CDH2: variants seen among roughly 807,000 people sequenced by gnomAD.
CDH2 encodes the protein cadherin-2.
In CDH2, 17 loss-of-function variants were observed where a neutral mutation model predicts 92.0. That is an observed-to-expected ratio of 0.18 (90% CI 0.13 to 0.28). The LOEUF (loss-of-function observed/expected upper bound fraction) is 0.28, where lower values mean the gene tolerates loss of function less well. Among genes scored for constraint, CDH2 ranks in the 10% least tolerant of loss-of-function variants. CDH2 has a pLI of 1.00. For missense variants in CDH2, 862 were observed against 1,133.1 expected (o/e 0.76, Z 3.44); for synonymous variants, 419 against 415.9 (o/e 1.01, Z -0.09).
At chr18:28,110,362 G>A (rs188528759) in intron 2 of CDH2, among the ~76,000 whole-genome samples, 56 of 152,278 alleles carry the variant, frequency 3.7e-4, no homozygotes, top group African/African-American at 1.3e-3. Context: ...CTGAGTTAAG[G>A]CCAGGAGTAA....
At chr18:28,114,376 T>TA (rs1348521848) in intron 2 of CDH2, among the ~76,000 whole-genome samples, 2 of 152,160 alleles carry the variant, frequency 1.3e-5, no homozygotes, top group Non-Finnish European at 2.9e-5. Context: ...AACTGGATCT[T>TA]AGAGTACTTC....
At chr18:28,022,332 C>A (rs1011231647) in intron 2 of CDH2, among the ~76,000 whole-genome samples, 1 of 151,888 alleles carries the variant, frequency 6.6e-6, no homozygotes, top group South Asian at 2.1e-4. Flanking sequence ...TTCTTTATAG[C>A]ATATAATTAT....
At chr18:28,046,122 C>T (rs919718666) in intron 2 of CDH2, among the ~76,000 whole-genome samples, 12 of 152,108 alleles carry the variant, frequency 7.9e-5, no homozygotes, top group Admixed American at 1.3e-4. Context: ...TATAAGATGG[C>T]GTTTGACCCT....
intron 14 of CDH2, among the ~76,000 whole-genome samples, chr18:27,977,685 A>G (rs1055069460): frequency 1.3e-5 from 2 of 152,112 alleles, no homozygotes; most frequent in Admixed American, 1.3e-4. Context: ...ACTTAAACTG[A>G]TCTCTGAGAT....
chr18:28,130,903 A>G (rs2144292978), intron 2 of CDH2, among the ~76,000 whole-genome samples: 1 of 152,304 alleles, frequency 6.6e-6, no homozygotes, highest in East Asian at 1.9e-4. Context: ...GTACCCTTGA[A>G]AAAGCAAAAG....
At chr18:27,984,729 C>T (rs996418275) in intron 13 of CDH2, among the ~76,000 whole-genome samples, 2 of 152,204 alleles carry the variant, frequency 1.3e-5, no homozygotes, top group African/African-American at 2.4e-5. Context: ...GCGTTTACTA[C>T]AGCTCCCTAA....
intron 7 of CDH2, among the ~76,000 whole-genome samples, chr18:28,001,940 C>T (rs913102491): frequency 6.6e-6 from 1 of 152,208 alleles, no homozygotes; most frequent in East Asian, 1.9e-4. Flanking sequence ...ATAATGTCTC[C>T]TTTTGACATA....
At chr18:28,051,767 C>T (rs2014196189) in intron 2 of CDH2, among the ~76,000 whole-genome samples, 2 of 152,158 alleles carry the variant, frequency 1.3e-5, no homozygotes, top group African/African-American at 4.8e-5. Context: ...AATCAAACTC[C>T]TGAATGTGCT....
At chr18:28,149,883 A>G (rs1480390708) in intron 1 of CDH2, among the ~76,000 whole-genome samples, 2 of 152,256 alleles carry the variant, frequency 1.3e-5, no homozygotes, top group African/African-American at 4.8e-5. Context: ...TACATATTTC[A>G]TAATGAAAAA....
Position 28,013,792 on chromosome 18 carries a change from G to C in CDH2, c.290C>G (p.Ser97Cys). The C allele has an allele frequency of 1.9e-6, 3 of 1,614,038 alleles. No homozygotes were observed. Among genetic ancestry groups the C allele is most frequent in the Non-Finnish European group, 2.5e-6 (3 of 1,179,938 alleles). The change falls in exon 3 of 16, where the codon TCT (serine) becomes TGT (cysteine). Residue 97 changes from serine (S) to cysteine (C), a missense_variant. Ser to Cys is a moderately radical substitution (Grantham distance 112, BLOSUM62 -1). Transcript: ENST00000269141. ...VYAVRSFPLS[S>C]EHAKFLIYAQ... ...ATATATCAGGAACTTGGCATGCTCA[G>C]AAGAGAGTGGAAAGCTTCTCACGGC...
chr18:28,017,106 T>C (rs566803373), intron 2 of CDH2, among the ~76,000 whole-genome samples: 3 of 152,268 alleles, frequency 2.0e-5, no homozygotes, highest in Non-Finnish European at 2.9e-5. Context: ...TGTCCCTTCC[T>C]GGTTAGGGTG....
chr18:28,169,918 G>T (rs1434642521), intron 1 of CDH2, among the ~76,000 whole-genome samples: 1 of 152,188 alleles, frequency 6.6e-6, no homozygotes, highest in Non-Finnish European at 1.5e-5. Flanking sequence ...TGTATCTCCA[G>T]TTCCACATAC....
At chr18:28,072,778 A>C (rs2014643629) in intron 2 of CDH2, among the ~76,000 whole-genome samples, 1 of 152,282 alleles carries the variant, frequency 6.6e-6, no homozygotes, top group Non-Finnish European at 1.5e-5. Flanking sequence ...TTATACACAA[A>C]GCAATAATTT....
chr18:28,020,482 T>C (rs190992461), intron 2 of CDH2, among the ~76,000 whole-genome samples: 123 of 152,074 alleles, frequency 8.1e-4, no homozygotes, highest in Non-Finnish European at 1.0e-3. Context: ...TCATGGACAT[T>C]TGACTGCTGT....
intron 1 of CDH2, among the ~76,000 whole-genome samples, chr18:28,175,784 CGAGGG>C (rs1224603865): frequency 6.6e-6 from 1 of 152,216 alleles, no homozygotes; most frequent in Non-Finnish European, 1.5e-5. Context: ...CCCCTTGCCC[CGAGGG>C]CGACAGGCAG....
At chr18:28,136,288 A>G (rs1184813122) in intron 2 of CDH2, among the ~76,000 whole-genome samples, 1 of 152,118 alleles carries the variant, frequency 6.6e-6, no homozygotes, top group East Asian at 1.9e-4. Context: ...CTGTGGTCAG[A>G]TGATAACATC....
At chr18:28,124,113 C>T (rs1388640925) in intron 2 of CDH2, among the ~76,000 whole-genome samples, 1 of 151,998 alleles carries the variant, frequency 6.6e-6, no homozygotes, top group Non-Finnish European at 1.5e-5. Flanking sequence ...CGAAAATATG[C>T]CTGTAGTGAT....
At chr18:28,114,535 C>A (rs2015464274) in intron 2 of CDH2, among the ~76,000 whole-genome samples, 1 of 152,006 alleles carries the variant, frequency 6.6e-6, no homozygotes, top group African/African-American at 2.4e-5. Context: ...TGAATTTTTC[C>A]TAAATTGGCC....
intron 7 of CDH2, among the ~76,000 whole-genome samples, chr18:27,994,842 CTCTG>C (rs2012530196): frequency 1.3e-5 from 2 of 152,202 alleles, no homozygotes; most frequent in South Asian, 4.1e-4. Context: ...GATTCTAAGT[CTCTG>C]TCTGTCCACC....
Sources: allele counts gnomAD v4.1 joint callset (sites outside exome capture counted in the v4.1 genomes callset), GRCh38; gene constraint gnomAD v4.1.1; transcripts MANE v1.5; gene names NCBI Gene and HGNC (gene_info 2026-07-23, HGNC 2026-07-21).